Variants in VWA8 observed in about 807,000 individuals in gnomAD.
VWA8 encodes von Willebrand factor A domain containing 8, also known as von Willebrand factor A domain-containing protein 8.
A neutral mutation model predicts 241.5 loss-of-function variants in VWA8; 221 were observed. That is an observed-to-expected ratio of 0.91 (90% CI 0.82 to 1.02). The LOEUF (loss-of-function observed/expected upper bound fraction) is 1.02, where lower values mean the gene tolerates loss of function less well. Ranked by LOEUF, VWA8 falls within the 50% of genes least tolerant of loss-of-function variation. VWA8 has a pLI of 0.00. For missense variants in VWA8, 2,322 were observed against 2,328.7 expected (o/e 1.00, Z 0.06); for synonymous variants, 852 against 827.1 (o/e 1.03, Z -0.52).
intron 12 of VWA8, 139 bp downstream of exon 12, chr13:41,865,597 T>G: frequency 1.2e-6 from 1 of 856,474 alleles, no homozygotes; most frequent in South Asian, 1.9e-5. Flanking sequence ...GCACTTTAAT[T>G]TGAATAATTT....
chr13:41,786,207 G>A (rs913206138), intron 18 of VWA8, among the ~76,000 whole-genome samples: 1 of 151,994 alleles, frequency 6.6e-6, no homozygotes, highest in African/African-American at 2.4e-5. Flanking sequence ...TACATATTCT[G>A]GTTTCTCTAT....
At chr13:41,910,321 C>T (rs771867242) in intron 3 of VWA8, among the ~76,000 whole-genome samples, 10 of 151,998 alleles carry the variant, frequency 6.6e-5, no homozygotes, top group Non-Finnish European at 1.2e-4. Flanking sequence ...TGGCCGGGCA[C>T]GGTGGCTGTA....
intron 43 of VWA8, among the ~76,000 whole-genome samples, chr13:41,573,480 A>ATATATATATATAT (rs1236419922): frequency 3.6e-5 from 4 of 112,464 alleles, no homozygotes; most frequent in African/African-American, 1.7e-4. Context: ...AGTTTAAAAA[A>ATATATATATATAT]AAAAAAATAT....
In VWA8 at chr13:41,630,170, C is replaced by A. The variant is rs144609070; in HGVS notation, c.4612-15086G>T. Among the ~76,000 whole-genome samples, 10 of 152,206 alleles carry A rather than the reference C, an allele frequency of 6.6e-5. No homozygotes were observed. In the East Asian group the frequency reaches 1.5e-3, roughly 23 times the overall value. ...TCCTAAAGACAAATGCCTATTAGGG[C>A]GACTTGTGATAATACAGGTGAGAAG... is the stretch of plus-strand genomic sequence containing the variant. On this transcript the variant is annotated intron_variant, in intron 37 of 44. Coordinates refer to ENST00000379310, the MANE Select transcript of VWA8 (RefSeq NM_015058.2).
At chr13:41,623,544 GA>G (rs2139668887) in intron 37 of VWA8, among the ~76,000 whole-genome samples, 1 of 152,274 alleles carries the variant, frequency 6.6e-6, no homozygotes, top group Non-Finnish European at 1.5e-5. Flanking sequence ...CTTCTAACGA[GA>G]CATGCTTTGA....
At chr13:41,826,063 T>C (rs1168828859) in intron 14 of VWA8, among the ~76,000 whole-genome samples, 1 of 148,722 alleles carries the variant, frequency 6.7e-6, no homozygotes, top group Non-Finnish European at 1.5e-5. Flanking sequence ...ATCTAACCTA[T>C]TATAACCCTA....
At chr13:41,736,875 G>A (rs1269680524) in intron 21 of VWA8, among the ~76,000 whole-genome samples, 6 of 131,964 alleles carry the variant, frequency 4.5e-5, no homozygotes, top group African/African-American at 1.1e-4. Context: ...ACAGAGTCTC[G>A]CTTTGTCACC....
intron 1 of VWA8, among the ~76,000 whole-genome samples, chr13:41,954,445 C>T (rs574100751): frequency 6.6e-6 from 1 of 152,266 alleles, no homozygotes; most frequent in Non-Finnish European, 1.5e-5. Context: ...ATCTCCTCAG[C>T]CTAGAAGACC....
intron 9 of VWA8, among the ~76,000 whole-genome samples, chr13:41,879,789 A>G (rs551308970): frequency 2.0e-5 from 3 of 152,274 alleles, no homozygotes; most frequent in Non-Finnish European, 4.4e-5. Flanking sequence ...AGATTTGAAG[A>G]TAAGGGAGAG....
intron 37 of VWA8, among the ~76,000 whole-genome samples, chr13:41,662,477 T>C (rs1207573986): frequency 6.6e-6 from 1 of 151,712 alleles, no homozygotes; most frequent in African/African-American, 2.4e-5. Context: ...TATAATTGAT[T>C]TTTGGCTTCG....
chr13:41,906,777 C>A (rs956169752), intron 4 of VWA8, among the ~76,000 whole-genome samples: 2 of 152,120 alleles, frequency 1.3e-5, no homozygotes, highest in African/African-American at 2.4e-5. Context: ...GCCAAACTTT[C>A]TTTTTAAATT....
intron 12 of VWA8, among the ~76,000 whole-genome samples, chr13:41,858,702 T>C (rs151276133): frequency 1.5e-3 from 234 of 152,208 alleles, no homozygotes; most frequent in Non-Finnish European, 2.7e-3. Flanking sequence ...GAGTCAACCA[T>C]TTTAAAGTTC....
chr13:41,765,173 T>C (rs1351059303), intron 20 of VWA8, among the ~76,000 whole-genome samples: 1 of 149,798 alleles, frequency 6.7e-6, no homozygotes, highest in Non-Finnish European at 1.5e-5. Context: ...CTGAATTAGC[T>C]GGGTGGGGGA....
intron 3 of VWA8, among the ~76,000 whole-genome samples, chr13:41,910,779 C>T (rs1875958031): frequency 6.6e-6 from 1 of 152,074 alleles, no homozygotes; most frequent in South Asian, 2.1e-4. Context: ...GCGAGTTAGG[C>T]TCTGATTTAT....
intron 12 of VWA8, among the ~76,000 whole-genome samples, chr13:41,847,783 AC>A (rs1179298103): frequency 6.6e-6 from 1 of 152,214 alleles, no homozygotes; most frequent in Admixed American, 6.5e-5. Flanking sequence ...GAGGCCATTG[AC>A]AGATTCTAAT....
chr13:41,597,795 T>C (rs1352596203), intron 40 of VWA8, among the ~76,000 whole-genome samples: 2 of 151,786 alleles, frequency 1.3e-5, no homozygotes, highest in African/African-American at 2.4e-5. Context: ...TCCTCCCCCA[T>C]CTCAGTGAAG....
intron 2 of VWA8, among the ~76,000 whole-genome samples, chr13:41,928,375 G>A (rs1029435757): frequency 2.6e-5 from 4 of 151,936 alleles, no homozygotes; most frequent in Admixed American, 1.3e-4. Context: ...AACAAATTTA[G>A]AAAACCAAAA....
intron 37 of VWA8, among the ~76,000 whole-genome samples, chr13:41,658,984 T>C: frequency 6.6e-6 from 1 of 152,212 alleles, no homozygotes; most frequent in Admixed American, 6.5e-5. Context: ...TGTGTCTCCT[T>C]AAGTATTTGT....
chr13:41,863,431 G>A (rs368155962), intron 12 of VWA8, among the ~76,000 whole-genome samples: 21,378 of 68,930 alleles, frequency 0.31, 3,258 homozygotes, highest in Non-Finnish European at 0.4. Flanking sequence ...GTGTGTGTGT[G>A]TGTATATATA....
Sources: allele counts gnomAD v4.1 joint callset (sites outside exome capture counted in the v4.1 genomes callset), GRCh38; gene constraint gnomAD v4.1.1; transcripts MANE v1.5; gene names NCBI Gene and HGNC (gene_info 2026-07-23, HGNC 2026-07-21).